ZNF236: variants seen among roughly 807,000 people sequenced by gnomAD.
ZNF236 encodes zinc finger protein 236, also known as regulated by glucose.
A neutral mutation model predicts 191.2 loss-of-function variants in ZNF236; 50 were observed. The ratio of observed to expected loss-of-function variants is 0.26; its 90% CI spans 0.21 to 0.33. ZNF236 has a LOEUF of 0.33. Among genes scored for constraint, ZNF236 ranks in the 10% least tolerant of loss-of-function variants. The pLI, the probability that ZNF236 is intolerant of heterozygous loss-of-function variation, is 1.00. For synonymous variants in ZNF236, 907 were observed against 928.8 expected, an observed-to-expected ratio of 0.98 and a Z score of 0.43; for missense variants, 1,754 against 2,374.5, an observed-to-expected ratio of 0.74 and a Z score of 5.43.
chr18:76,888,903 A>G (rs1203311037), intron 9 of ZNF236, among the ~76,000 whole-genome samples: 1 of 152,210 alleles, frequency 6.6e-6, no homozygotes, highest in Non-Finnish European at 1.5e-5. Context: ...CTAATGCTGG[A>G]GATAAAGCTG....
intron 25 of ZNF236, among the ~76,000 whole-genome samples, chr18:76,931,774 A>T (rs1049161547): frequency 6.6e-6 from 1 of 152,254 alleles, no homozygotes; most frequent in Non-Finnish European, 1.5e-5. Context: ...TGACAGTTTC[A>T]TAAGTAACCA....
intron 1 of ZNF236, chr18:76,824,523 C>G: frequency 1.3e-6 from 1 of 769,434 alleles, no homozygotes; most frequent in Non-Finnish European, 2.4e-6. Flanking sequence ...TTGGCCTTGA[C>G]CTTATTTCGT....
chr18:76,935,918 C>G (rs1032371176), intron 25 of ZNF236: 11 of 454,650 alleles, frequency 2.4e-5, no homozygotes, highest in Non-Finnish European at 4.0e-5. Context: ...ATCTGTGGAG[C>G]CCCGGCGGCT....
At chr18:76,893,737 T>TACTG (rs979318812) in intron 9 of ZNF236, among the ~76,000 whole-genome samples, 7 of 152,252 alleles carry the variant, frequency 4.6e-5, no homozygotes, top group Non-Finnish European at 8.8e-5. Flanking sequence ...GATCTCAAAC[T>TACTG]ACTGAGCTCA....
At position 76,960,761 on chromosome 18, in the gene ZNF236, G is replaced by T. The variant is rs758166965; in HGVS notation, c.5325G>T (p.Thr1775=). The T allele has an allele frequency of 6.2e-7, 1 of 1,614,062 alleles. No homozygotes were observed. The highest frequency in any genetic ancestry group is 1.7e-5 in the Admixed American group (1 of 60,020). The change falls in exon 30 of 31, where the codon ACG becomes ACT. Residue 1775 remains threonine (T), a synonymous_variant. Coordinates refer to ENST00000320610, the MANE Select transcript of ZNF236 (RefSeq NM_001306089.2). The surrounding 1 kb of genome is among the most constrained non-coding windows in gnomAD (Gnocchi z 4.4). ...TGCAGGTGCACATGAAGAAGCACAC[G>T]GGGGAGCGGCCCTACAAGTGTGCCT... ...SALQVHMKKH[T]GERPYKCAYC... is the part of the protein sequence containing the mutation.
intron 25 of ZNF236, among the ~76,000 whole-genome samples, chr18:76,930,299 G>A (rs1967812293): frequency 6.6e-6 from 1 of 152,176 alleles, no homozygotes; most frequent in African/African-American, 2.4e-5. Context: ...CAATCATAGT[G>A]CAGCATACTT....
At chr18:76,942,270 C>T (rs775698498) in intron 26 of ZNF236, among the ~76,000 whole-genome samples, 9 of 152,148 alleles carry the variant, frequency 5.9e-5, no homozygotes, top group Non-Finnish European at 1.3e-4. Context: ...ATTATACCAC[C>T]CTGAACACTG....
At chr18:76,878,213 C>T (rs1369227455) in intron 7 of ZNF236, 61 bp downstream of exon 7, 3 of 1,464,000 alleles carry the variant, frequency 2.0e-6, no homozygotes, top group African/African-American at 2.8e-5. Context: ...TTAAATATGA[C>T]CTTTACAATT....
Position 76,925,067 on chromosome 18 carries a change from T to C in ZNF236, c.3662-122T>C. ...AACATCTTATAGGTGAAAGGGATTC[T>C]CATTAAAGTACTTCCATCCACTGAT... On this transcript the variant is annotated intron_variant, in intron 21 of 30. Coordinates refer to ENST00000320610, the MANE Select transcript of ZNF236 (RefSeq NM_001306089.2). This position sits in a 1 kb window ranked among gnomAD's most constrained non-coding sequence, Gnocchi z 5.7. 2 of 1,419,106 alleles carry C rather than the reference T, an allele frequency of 1.4e-6. No individual in the cohort carries two copies. Among genetic ancestry groups the C allele is most frequent in the South Asian group, 1.4e-5 (1 of 72,360 alleles). The allele number at this position is 1,419,106 out of a possible 1,614,324, so 87.9% of individuals were successfully genotyped here.
At chr18:76,853,609 G>C (rs1027804777) in intron 3 of ZNF236, among the ~76,000 whole-genome samples, 3 of 152,140 alleles carry the variant, frequency 2.0e-5, no homozygotes, top group Admixed American at 6.6e-5. Context: ...TAGGGGGATT[G>C]GGGAGCTGTT....
In ZNF236 at chr18:76,853,935, A is replaced by G. The variant is rs865795768; in HGVS notation, c.363+1996A>G. ...TAAGGCGGGAGAATCACTTGAACCC[A>G]GGAGGTGGAGGTTGCAATGAGCTGA... is the stretch of plus-strand genomic sequence containing the variant. On this transcript the variant is annotated intron_variant, in intron 3 of 30. Transcript: ENST00000320610. 1.9e-4 allele frequency among the ~76,000 whole-genome samples: 29 copies of G among 152,126 alleles called. 1 individual carries two copies. The highest frequency in any genetic ancestry group is 4.6e-4 in the Admixed American group (7 of 15,280).
Position 76,857,868 on chromosome 18 carries a change from G to A in ZNF236, c.363+5929G>A, listed in dbSNP as rs1243088424. ...TATTGTTCTAAATATTTAGATTCAG[G>A]GGAGAACTGATCATGTTTATAATGT... On this transcript the variant is annotated intron_variant, in intron 3 of 30. Transcript: ENST00000320610. 3.9e-5 allele frequency among the ~76,000 whole-genome samples: 6 copies of A among 152,208 alleles called. No individual in the cohort carries two copies. The South Asian group carries it at 8.3e-4, about 21-fold the overall frequency.
At chr18:76,965,503 T>C (rs2122979086) in intron 30 of ZNF236, among the ~76,000 whole-genome samples, 1 of 152,312 alleles carries the variant, frequency 6.6e-6, no homozygotes, top group South Asian at 2.1e-4. Flanking sequence ...TGGTTCCTTT[T>C]CATTTGAGTA....
Position 76,880,459 on chromosome 18 carries a change from T to A in ZNF236, c.1188+143T>A. On this transcript the variant is annotated intron_variant, in intron 8 of 30. Coordinates refer to ENST00000320610, the MANE Select transcript of ZNF236 (RefSeq NM_001306089.2). The surrounding 1 kb of genome is among the most constrained non-coding windows in gnomAD (Gnocchi z 5.0). ...ATGTGCCTGAACCGAAAGAAATTAATATGCCTACTTAATTGCTTATGGACG... is the reference window on the plus strand; with the variant it reads ...ATGTGCCTGAACCGAAAGAAATTAAAATGCCTACTTAATTGCTTATGGACG... 2 of 784,806 alleles carry A rather than the reference T, an allele frequency of 2.5e-6. No homozygotes were observed. The highest frequency in any genetic ancestry group is 3.9e-6 in the Non-Finnish European group (2 of 511,272). The allele number at this position is 784,806 out of a possible 1,614,324, so 48.6% of individuals were successfully genotyped here.
rs374512685 is a variant in ZNF236 at position 76,927,339 on chromosome 18, G to A, written c.4236G>A (p.Thr1412=). ...QQGNLLAQQL[T]GEPGLAPQNS... ...GCAACCTATTGGCTCAGCAGCTCAC[G>A]GGGGAGCCTGGCCTGGCCCCACAGA... The change falls in exon 24 of 31, where the codon ACG becomes ACA. Residue 1412 remains threonine (T), a synonymous_variant. Coordinates refer to ENST00000320610, the MANE Select transcript of ZNF236 (RefSeq NM_001306089.2). This position sits in a 1 kb window ranked among gnomAD's most constrained non-coding sequence, Gnocchi z 5.4. The A allele has an allele frequency of 5.0e-5, 81 of 1,614,046 alleles. No homozygotes were observed. Among genetic ancestry groups the A allele is most frequent in the African/African-American group, 2.3e-4 (17 of 74,984 alleles).
rs1967737181 is a variant in ZNF236 at position 76,927,504 on chromosome 18, C to G, written c.4401C>G (p.Thr1467=). The G allele has an allele frequency of 3.1e-6, 5 of 1,613,816 alleles. No homozygotes were observed. The highest frequency in any genetic ancestry group is 3.3e-5 in the Admixed American group (2 of 59,994). ...GPLSEQDSVL[T]TNSSGTQDLT... Reference sequence around the variant, plus strand: ...TGTCTGAGCAGGATTCAGTGCTGACCACTAACAGCAGTGGTAAGAGCCACT... The same window carrying G: ...TGTCTGAGCAGGATTCAGTGCTGACGACTAACAGCAGTGGTAAGAGCCACT... Residue 1467 remains threonine (T), a synonymous_variant, in exon 24 of 31, where the codon ACC becomes ACG. Transcript: ENST00000320610. This position sits in a 1 kb window ranked among gnomAD's most constrained non-coding sequence, Gnocchi z 5.4.
At chr18:76,957,292 T>A (rs1021187681) in intron 28 of ZNF236, among the ~76,000 whole-genome samples, 1 of 152,152 alleles carries the variant, frequency 6.6e-6, no homozygotes, top group East Asian at 1.9e-4. Flanking sequence ...GGATGGCTTT[T>A]TTGGAGTGTG....
chr18:76,905,348 A>G lies in ZNF236; in HGVS notation c.2230A>G (p.Met744Val). Residue 744 changes from methionine to valine, a missense_variant, in exon 13 of 31, where the codon ATG becomes GTG. Coordinates refer to ENST00000320610, the MANE Select transcript of ZNF236 (RefSeq NM_001306089.2). Reference sequence around the variant, plus strand: ...TATCCACAACGACCTTCGTCCCTATATGTGTCCCTATTGCCAAAAAACATT... The same window carrying G: ...TATCCACAACGACCTTCGTCCCTATGTGTGTCCCTATTGCCAAAAAACATT... ...MGIHNDLRPY[M>V]CPYCQKTFKT... 6.2e-7 allele frequency: 1 copy of G among 1,614,176 alleles called. No homozygotes were observed. Among genetic ancestry groups the G allele is most frequent in the Non-Finnish European group, 8.5e-7 (1 of 1,180,020 alleles).
chr18:76,886,503 G>C lies in ZNF236; in HGVS notation c.1417+4991G>C, dbSNP rs137985082. On this transcript the variant is annotated intron_variant, in intron 9 of 30. Coordinates refer to ENST00000320610, the MANE Select transcript of ZNF236 (RefSeq NM_001306089.2). ...AGCCATTGAACCAGCACCTGAGAAGGGGGCACCATGAGATCCTGGAAGAGC... is the reference window on the plus strand; with the variant it reads ...AGCCATTGAACCAGCACCTGAGAAGCGGGCACCATGAGATCCTGGAAGAGC... 1,049 of 192,620 alleles carry C rather than the reference G, an allele frequency of 5.4e-3. 10 individuals carry two copies. The highest frequency in any genetic ancestry group is 0.023 in the African/African-American group (966 of 42,590). The allele number at this position is 192,620 out of a possible 1,614,324, so 11.9% of individuals were successfully genotyped here. A position where few individuals can be genotyped will look rare whatever the true frequency, so the allele number is the denominator to read the frequency against.
Sources: allele counts gnomAD v4.1 joint callset (sites outside exome capture counted in the v4.1 genomes callset), GRCh38; gene constraint gnomAD v4.1.1; non-coding constraint Gnocchi (gnomAD v3.1); transcripts MANE v1.5; gene names NCBI Gene and HGNC (gene_info 2026-07-23, HGNC 2026-07-21).